The following NDUFAF6 variants were observed in gnomAD, a reference collection of about 807,000 sequenced individuals.
The protein encoded by NDUFAF6 is NADH dehydrogenase (ubiquinone) complex I, assembly factor 6.
NDUFAF6 carries 45 observed loss-of-function variants against 40.8 expected under a neutral mutation model. The observed-to-expected ratio is 1.10, with a 90% CI of 0.87 to 1.42. The LOEUF is 1.42. Among genes scored for constraint, NDUFAF6 ranks in the 40% most tolerant of loss-of-function variants. The probability of loss-of-function intolerance (pLI) is 0.00; values close to 1 mark genes in which losing one functional copy is unlikely to be tolerated. For missense variants in NDUFAF6, 435 were observed against 418.5 expected, an observed-to-expected ratio of 1.04 and a Z score of -0.34; for synonymous variants, 185 against 155.9, an observed-to-expected ratio of 1.19 and a Z score of -1.39.
At chr8:94,899,898 C>T (rs999745066) in intron 1 of NDUFAF6, among the ~76,000 whole-genome samples, 2 of 152,164 alleles carry the variant, frequency 1.3e-5, no homozygotes, top group Admixed American at 1.3e-4. Context: ...CTTAAACACA[C>T]AAGACCTCTT....
chr8:95,087,071 C>T (rs1809072205), intron 2 of NDUFAF6, among the ~76,000 whole-genome samples: 1 of 148,824 alleles, frequency 6.7e-6, no homozygotes, highest in Admixed American at 6.7e-5. Flanking sequence ...TTTCTTTTGC[C>T]TTTTTTTTTA....
chr8:95,060,958 A>T (rs761658886), downstream of NDUFAF6, among the ~76,000 whole-genome samples: 10 of 151,874 alleles, frequency 6.6e-5, no homozygotes, highest in Non-Finnish European at 1.5e-4. Context: ...GTGTGGGGGG[A>T]TGCTTCACCG....
In NDUFAF6 at chr8:95,043,696, G is replaced by A. The variant is rs562569158; in HGVS notation, c.478-1849G>A. Among the ~76,000 whole-genome samples, 4 of 152,206 alleles carry A rather than the reference G, an allele frequency of 2.6e-5. No individual in the cohort carries two copies. The East Asian group carries it at 7.7e-4, about 29-fold the overall frequency. ...AAGAAACATCACTTCACAGCTGTTG[G>A]GATGGCTGTGATAAAAAAGAAAAAA... On this transcript the variant is annotated intron_variant, in intron 4 of 8. Transcript: ENST00000396124.
intron 2 of NDUFAF6, among the ~76,000 whole-genome samples, chr8:94,983,481 G>A (rs1825612067): frequency 6.6e-6 from 1 of 151,918 alleles, no homozygotes; most frequent in South Asian, 2.1e-4. Flanking sequence ...GGCCAGGCTG[G>A]TCTTGAACGC....
downstream of NDUFAF6, among the ~76,000 whole-genome samples, chr8:95,060,286 G>A (rs988721828): frequency 1.3e-5 from 2 of 151,958 alleles, no homozygotes; most frequent in Non-Finnish European, 2.9e-5. Context: ...TCAAATCTCT[G>A]GGTTTTTATT....
downstream of NDUFAF6, among the ~76,000 whole-genome samples, chr8:95,063,367 G>A (rs537984105): frequency 1.2e-4 from 19 of 152,282 alleles, no homozygotes; most frequent in African/African-American, 3.9e-4. Context: ...TTGGGAGCCC[G>A]AGGTGGGTGG....
At chr8:95,005,025 AAC>A (rs1409662894) in intron 2 of NDUFAF6, among the ~76,000 whole-genome samples, 5 of 152,204 alleles carry the variant, frequency 3.3e-5, no homozygotes, top group African/African-American at 9.7e-5. Flanking sequence ...CGGTAATAAT[AAC>A]ACAGAATGAC....
intron 1 of NDUFAF6, among the ~76,000 whole-genome samples, chr8:94,904,781 G>T (rs1398668329): frequency 2.0e-5 from 3 of 151,766 alleles, no homozygotes; most frequent in African/African-American, 7.3e-5. Flanking sequence ...CCCATGGTTT[G>T]TCACCTTCTG....
intron 1 of NDUFAF6, among the ~76,000 whole-genome samples, chr8:94,935,089 C>CGGTA (rs151249970): frequency 0.14 from 21,612 of 149,868 alleles, 2,360 homozygotes; most frequent in African/African-American, 0.31. Flanking sequence ...AAACAGGAAA[C>CGGTA]GGTAGGTAGG....
downstream of NDUFAF6, among the ~76,000 whole-genome samples, chr8:95,062,075 T>C (rs1015308081): frequency 9.9e-5 from 15 of 151,642 alleles, no homozygotes; most frequent in African/African-American, 3.6e-4. Flanking sequence ...GAGGATTGTT[T>C]GAGCACAGGA....
At chr8:95,010,750 T>C (rs1827193504) in intron 2 of NDUFAF6, among the ~76,000 whole-genome samples, 1 of 152,144 alleles carries the variant, frequency 6.6e-6, no homozygotes. Flanking sequence ...CCTACTAGTG[T>C]TAAAGTTTAG....
At chr8:95,109,587 T>C (rs1016145271) in intron 4 of NDUFAF6, among the ~76,000 whole-genome samples, 3 of 142,224 alleles carry the variant, frequency 2.1e-5, no homozygotes, top group Non-Finnish European at 4.7e-5. Flanking sequence ...GATAGATAGA[T>C]AGAGAGAGAG....
intron 1 of NDUFAF6, among the ~76,000 whole-genome samples, chr8:94,922,635 C>T (rs1819583639): frequency 1.3e-5 from 2 of 152,032 alleles, no homozygotes; most frequent in South Asian, 4.1e-4. Flanking sequence ...CCCGGCACCA[C>T]ACCCAACTAA....
chr8:94,921,148 G>T (rs951252358), intron 1 of NDUFAF6, among the ~76,000 whole-genome samples: 5 of 152,224 alleles, frequency 3.3e-5, no homozygotes, highest in African/African-American at 1.2e-4. Context: ...GCTTGATCAA[G>T]ATATTAAATT....
downstream of NDUFAF6, among the ~76,000 whole-genome samples, chr8:95,063,014 GGTT>G (rs1253547336): frequency 3.3e-5 from 5 of 152,302 alleles, no homozygotes; most frequent in Non-Finnish European, 5.9e-5. Flanking sequence ...CAAGAAACCA[GGTT>G]GTTAAGTACA....
At chr8:94,978,688 T>G (rs1465586146) in intron 1 of NDUFAF6, among the ~76,000 whole-genome samples, 1 of 150,946 alleles carries the variant, frequency 6.6e-6, no homozygotes, top group East Asian at 1.9e-4. Flanking sequence ...TGCTGTAACC[T>G]GGGAGACAAA....
chr8:95,114,371 C>T (rs1034049296), intron 4 of NDUFAF6, among the ~76,000 whole-genome samples: 14 of 152,250 alleles, frequency 9.2e-5, no homozygotes, highest in Admixed American at 2.0e-4. Flanking sequence ...CCCACAGGAC[C>T]GCAAAAGCAG....
intron 1 of NDUFAF6, among the ~76,000 whole-genome samples, chr8:94,963,133 A>G (rs72679210): frequency 0.063 from 9,624 of 152,242 alleles, 381 homozygotes; most frequent in Non-Finnish European, 0.094. Context: ...ATCACTAACT[A>G]TTAAATCACT....
chr8:95,035,472 G>C lies in NDUFAF6; in HGVS notation c.316G>C (p.Glu106Gln). Reference protein sequence around the residue: ...ELAQVKDSVSEKTIGLMRMQF... With the variant: ...ELAQVKDSVSQKTIGLMRMQF... ...TTTATAGGTTAAAGACTCAGTCTCTGAGAAAACAATTGGACTGATGCGAAT... is the reference window on the plus strand; with the variant it reads ...TTTATAGGTTAAAGACTCAGTCTCTCAGAAAACAATTGGACTGATGCGAAT... The change falls in exon 3 of 9, where the codon GAG (glutamate) becomes CAG (glutamine). Residue 106 changes from glutamate (E) to glutamine (Q), a missense_variant. Transcript: ENST00000396124. The C allele has an allele frequency of 6.2e-7, 1 of 1,613,492 alleles. No homozygotes were observed.
Sources: gnomAD v4.1 joint callset for allele counts (sites outside exome capture counted in the v4.1 genomes callset) on GRCh38, gnomAD v4.1.1 for gene constraint, MANE v1.5 for transcripts, NCBI Gene and HGNC (gene_info 2026-07-23, HGNC 2026-07-21) for gene names.